NUCB2: variants seen among roughly 807,000 people sequenced by gnomAD.
NUCB2 encodes nucleobindin-2.
In NUCB2, 48 loss-of-function variants were observed where a neutral mutation model predicts 57.9. That is an observed-to-expected ratio of 0.83 (90% CI 0.66 to 1.05). NUCB2 has a LOEUF of 1.05. Ranked by LOEUF, NUCB2 falls within the 50% of genes least tolerant of loss-of-function variation. The probability of loss-of-function intolerance (pLI) is 0.00; values close to 1 mark genes in which losing one functional copy is unlikely to be tolerated. For missense variants in NUCB2, 442 were observed against 476.2 expected, an observed-to-expected ratio of 0.93 and a Z score of 0.67; for synonymous variants, 139 against 152.1, an observed-to-expected ratio of 0.91 and a Z score of 0.64.
chr11:17,281,270 C>G (rs987765918), intron 1 of NUCB2, among the ~76,000 whole-genome samples: 1 of 151,964 alleles, frequency 6.6e-6, no homozygotes, highest in Non-Finnish European at 1.5e-5. Flanking sequence ...GTGCACACCA[C>G]TACACCCAGC....
At position 17,330,154 on chromosome 11, in the gene NUCB2, G is replaced by T; in HGVS notation, c.1030G>T (p.Glu344Ter). ...ATTAGATCAGCAACAGTTCTTCACA[G>T]AGGAAGAACTAAAAGAATATGAAAA... ...ETLDQQQFFT[E>*]EELKEYENII... is the part of the protein sequence containing the mutation. The change falls in exon 12 of 14, where the codon GAG becomes TAG. Residue 344 changes from glutamate to a stop codon, truncating the protein, a stop_gained. Transcript: ENST00000529010. LOFTEE classifies it high-confidence loss of function. The surrounding 1 kb of genome is among the most constrained non-coding windows in gnomAD (Gnocchi z 4.3). 1 of 1,546,502 alleles carries T rather than the reference G, an allele frequency of 6.5e-7. No homozygotes were observed. The highest frequency in any genetic ancestry group is 8.9e-7 in the Non-Finnish European group (1 of 1,128,352).
intron 5 of NUCB2, among the ~76,000 whole-genome samples, chr11:17,307,998 G>A (rs375208477): frequency 6.6e-6 from 1 of 152,078 alleles, no homozygotes; most frequent in African/African-American, 2.4e-5. Context: ...TTTTGAGTGA[G>A]GTTAAGGGTC....
At chr11:17,349,111 T>C (rs995443578) in intron 2 of NUCB2, among the ~76,000 whole-genome samples, 2 of 152,132 alleles carry the variant, frequency 1.3e-5, no homozygotes, top group Non-Finnish European at 1.5e-5. Flanking sequence ...CCAAAATCTC[T>C]CTCCAACTTG....
intron 11 of NUCB2, among the ~76,000 whole-genome samples, chr11:17,329,006 G>A (rs1951042988): frequency 6.6e-6 from 1 of 152,120 alleles, no homozygotes; most frequent in Non-Finnish European, 1.5e-5. Context: ...TACTTAGCAA[G>A]TGATGAAGCC....
chr11:17,284,351 A>G (rs915479696), intron 2 of NUCB2, among the ~76,000 whole-genome samples: 1 of 152,086 alleles, frequency 6.6e-6, no homozygotes, highest in Non-Finnish European at 1.5e-5. Flanking sequence ...TATTATATAA[A>G]TATACCCTAT....
At chr11:17,291,981 A>G (rs1489478255) in intron 2 of NUCB2, among the ~76,000 whole-genome samples, 1 of 152,182 alleles carries the variant, frequency 6.6e-6, no homozygotes, top group Non-Finnish European at 1.5e-5. Flanking sequence ...CATATAACTT[A>G]ATCATTTTAA....
chr11:17,331,633 C>T lies in NUCB2; in HGVS notation c.*214C>T, dbSNP rs989567995. ...AGGAAGAAAACAAACTCACTGTCTG[C>T]TCTCTGCTCTCACATTCACACGGCT... On this transcript the variant is annotated 3_prime_UTR_variant, in exon 14 of 14. Transcript: ENST00000529010. The T allele has an allele frequency of 5.6e-5, 22 of 391,030 alleles. No homozygotes were observed. The highest frequency in any genetic ancestry group is 8.8e-5 in the Non-Finnish European group (19 of 216,938). The allele number at this position is 391,030 out of a possible 1,614,324, so 24.2% of individuals were successfully genotyped here.
chr11:17,303,417 T>A (rs1947090254), intron 5 of NUCB2, among the ~76,000 whole-genome samples: 1 of 152,112 alleles, frequency 6.6e-6, no homozygotes, highest in Non-Finnish European at 1.5e-5. Flanking sequence ...AATCATCATA[T>A]AAATAGTCCT....
At chr11:17,328,222 C>T (rs1261045813) in intron 11 of NUCB2, among the ~76,000 whole-genome samples, 12 of 152,206 alleles carry the variant, frequency 7.9e-5, no homozygotes, top group Non-Finnish European at 1.6e-4. Flanking sequence ...TTGTTCTTTT[C>T]CCTTACTTTC....
At chr11:17,283,590 C>T (rs922376622) in intron 2 of NUCB2, 8 of 152,156 alleles carry the variant, frequency 5.3e-5, no homozygotes, top group Admixed American at 2.0e-4. Context: ...TCTGTTTTTA[C>T]TTTTAGCCCT....
downstream of NUCB2, chr11:17,332,582 C>T (rs941326279): frequency 6.8e-6 from 1 of 146,346 alleles, no homozygotes; most frequent in Non-Finnish European, 1.5e-5. Flanking sequence ...GATGAAAGAC[C>T]ATGCTATCTG....
chr11:17,325,015 C>G (rs759549645), intron 11 of NUCB2, among the ~76,000 whole-genome samples: 1 of 152,084 alleles, frequency 6.6e-6, no homozygotes, highest in Non-Finnish European at 1.5e-5. Context: ...ATTGGCCAGG[C>G]TGGTCTTGAA....
rs1591585579 is a variant in NUCB2 at position 17,330,194 on chromosome 11, A to G, written c.1070A>G (p.Gln357Arg). 1.2e-6 allele frequency: 2 copies of G among 1,601,258 alleles called. No homozygotes were observed. The highest frequency in any genetic ancestry group is 1.7e-6 in the Non-Finnish European group (2 of 1,169,660). ...LKEYENIIAL[Q>R]ENELKKKADE... ...GAATATGAAAATATTATTGCTTTAC[A>G]AGAAAATGAACTTAAGAAGAAGGCA... Residue 357 changes from glutamine to arginine, a missense_variant, in exon 12 of 14, where the codon CAA becomes CGA. Physicochemically the swap from Gln to Arg is conservative, Grantham distance 43 (BLOSUM62 1). Transcript: ENST00000529010. The surrounding 1 kb of genome is among the most constrained non-coding windows in gnomAD (Gnocchi z 4.3).
intron 1 of NUCB2, among the ~76,000 whole-genome samples, chr11:17,282,232 C>A (rs1378433625): frequency 1.7e-5 from 1 of 58,400 alleles, no homozygotes; most frequent in Admixed American, 3.1e-4. Context: ...ATCTATCTAT[C>A]TATCTATATA....
intron 4 of NUCB2, among the ~76,000 whole-genome samples, chr11:17,299,112 T>A (rs538952930): frequency 6.6e-6 from 1 of 152,242 alleles, no homozygotes; most frequent in Non-Finnish European, 1.5e-5. Flanking sequence ...TTCCACTGAA[T>A]ATACCTTCAT....
chr11:17,341,241 T>C lies in NUCB2; in HGVS notation n.2626+3707T>C, dbSNP rs1339083935. 1.2e-4 allele frequency among the ~76,000 whole-genome samples: 19 copies of C among 152,268 alleles called. No individual in the cohort carries two copies. The East Asian group carries it at 3.7e-3, about 29-fold the overall frequency. ...CTGAGACAGTGGGGTTTTCTAGATA[T>C]ACAATCATGTCATCTGCAAACAGGG... On this transcript the variant is annotated intron_variant and non_coding_transcript_variant, in intron 2 of 2. Transcript: ENST00000532240.
At chr11:17,347,298 C>T (rs1952823213) in intron 2 of NUCB2, among the ~76,000 whole-genome samples, 1 of 152,162 alleles carries the variant, frequency 6.6e-6, no homozygotes, top group Non-Finnish European at 1.5e-5. Context: ...CATCTATCTC[C>T]GTGAGCAGAG....
In NUCB2 at chr11:17,330,165, A is replaced by G. The variant is rs1324803510; in HGVS notation, c.1041A>G (p.Leu347=). The change falls in exon 12 of 14, where the codon CTA becomes CTG. Residue 347 remains leucine, a synonymous_variant. Coordinates refer to ENST00000529010, the MANE Select transcript of NUCB2 (RefSeq NM_005013.4). The surrounding 1 kb of genome is among the most constrained non-coding windows in gnomAD (Gnocchi z 4.3). Reference sequence around the variant, plus strand: ...AACAGTTCTTCACAGAGGAAGAACTAAAAGAATATGAAAATATTATTGCTT... The same window carrying G: ...AACAGTTCTTCACAGAGGAAGAACTGAAAGAATATGAAAATATTATTGCTT... ...DQQQFFTEEE[L]KEYENIIALQ... The G allele has an allele frequency of 1.9e-6, 3 of 1,573,572 alleles. No individual in the cohort carries two copies. The South Asian group carries it at 3.4e-5, about 18-fold the overall frequency.
intron 2 of NUCB2, among the ~76,000 whole-genome samples, chr11:17,285,605 G>A (rs1231234797): frequency 9.4e-5 from 14 of 149,224 alleles, no homozygotes; most frequent in African/African-American, 1.5e-4. Flanking sequence ...TTAGCTGGGC[G>A]TGGTGGCGGG....
Sources: allele counts gnomAD v4.1 joint callset (sites outside exome capture counted in the v4.1 genomes callset), GRCh38; gene constraint gnomAD v4.1.1; non-coding constraint Gnocchi (gnomAD v3.1); transcripts MANE v1.5; gene names NCBI Gene and HGNC (gene_info 2026-07-23, HGNC 2026-07-21).